MEIOC: variants seen among roughly 807,000 people sequenced by gnomAD.
The protein encoded by MEIOC is meiosis specific with coiled-coil domain, also known as meiosis-specific coiled-coil domain-containing protein MEIOC.
MEIOC carries 9 observed loss-of-function variants against 85.3 expected under a neutral mutation model. The observed-to-expected ratio is 0.11, with a 90% CI of 0.06 to 0.18. The LOEUF (loss-of-function observed/expected upper bound fraction) is 0.18. Among genes scored for constraint, MEIOC ranks in the 10% least tolerant of loss-of-function variants. The pLI, the probability that MEIOC is intolerant of heterozygous loss-of-function variation, is 1.00. For missense variants in MEIOC, 898 were observed against 1,129.4 expected, an observed-to-expected ratio of 0.80 and a Z score of 2.94; for synonymous variants, 365 against 393.7, an observed-to-expected ratio of 0.93 and a Z score of 0.86.
chr17:44,669,428 A>G lies in MEIOC; in HGVS notation c.2368A>G (p.Ser790Gly). 2.5e-6 allele frequency: 4 copies of G among 1,571,440 alleles called. No homozygotes were observed. Among genetic ancestry groups the G allele is most frequent in the Non-Finnish European group, 3.5e-6 (4 of 1,157,094 alleles). ...GAATTATCCTGGAAAAAAAGTATCC[A>G]GTACTAACAACACTCCAGTTCCAAG... ...AKNYPGKKVS[S>G]TNNTPVPRLT... The change falls in exon 6 of 8, where the codon AGT becomes GGT. Residue 790 changes from serine (S) to glycine (G), a missense_variant. Around this residue, in one of 2 missense-constraint regions of MEIOC, gnomAD observed 164 missense variants for 269.2 expected, o/e 0.61. Transcript: ENST00000409122.
At chr17:44,675,875 C>A (rs1162115878), downstream of MEIOC, 50 of 531,016 alleles carry the variant, frequency 9.4e-5, no homozygotes, top group Non-Finnish European at 1.1e-4. Context: ...AAATGAATTT[C>A]ATTTAAGAAC....
intron 6 of MEIOC, chr17:44,670,315 C>T (rs535713465): frequency 1.3e-5 from 2 of 148,902 alleles, no homozygotes; most frequent in South Asian, 4.3e-4. Context: ...AATAGTCCCA[C>T]TCAATCATTT....
At chr17:44,675,934 G>C (rs1312637148), downstream of MEIOC, 1 of 230,326 alleles carries the variant, frequency 4.3e-6, no homozygotes, top group Non-Finnish European at 7.1e-6. Flanking sequence ...AATAATGTTG[G>C]TTTATAAATC....
Position 44,667,413 on chromosome 17 carries a change from A to G in MEIOC, c.1502A>G (p.Asn501Ser), listed in dbSNP as rs1443064726. 13 of 1,613,708 alleles carry G rather than the reference A, an allele frequency of 8.1e-6. No individual in the cohort carries two copies. The highest frequency in any genetic ancestry group is 2.7e-5 in the African/African-American group (2 of 74,942). ...AATCAAGGTAACTTGATGAAATTAA[A>G]TAGTCATTTAAGTGCAGCTTCAAAA... Reference protein sequence around the residue: ...YRNQGNLMKLNSHLSAASKGS... With the variant: ...YRNQGNLMKLSSHLSAASKGS... Residue 501 changes from asparagine to serine, a missense_variant, in exon 5 of 8, where the codon AAT becomes AGT. Transcript: ENST00000409122.
intron 3 of MEIOC, 21 bp from the exon 4 acceptor site, chr17:44,665,363 C>A: frequency 2.8e-6 from 4 of 1,451,264 alleles, no homozygotes; most frequent in South Asian, 1.3e-5. Flanking sequence ...TGTATTTCAG[C>A]ACGAATTCAT....
chr17:44,673,724 C>G, intron 7 of MEIOC, 178 bp downstream of exon 7: 1 of 719,060 alleles, frequency 1.4e-6, no homozygotes, highest in Non-Finnish European at 2.2e-6. Context: ...TTAATTTTGT[C>G]TGTTATAACT....
rs1971768798 is a variant in MEIOC at position 44,657,042 on chromosome 17, G to A, written c.70-85G>A. On this transcript the variant is annotated intron_variant, in intron 1 of 7. Coordinates refer to ENST00000409122, the MANE Select transcript of MEIOC (RefSeq NM_001145080.3). The stretch of plus-strand genomic sequence containing the variant: ...GGGTTCGGAATTGAGCCGAACAGCC[G>A]AGGTAGAACAGGTGTCGGGCCGTTT... 6.9e-6 allele frequency: 10 copies of A among 1,443,420 alleles called. No homozygotes were observed. The South Asian group carries it at 1.0e-4, about 15-fold the overall frequency. The allele number at this position is 1,443,420 out of a possible 1,614,324, so 89.4% of individuals were successfully genotyped here.
In MEIOC at chr17:44,668,015, C is replaced by G; in HGVS notation, c.2104C>G (p.Pro702Ala). ...CCACCCATTTGGCCATTCAGTTGTT[C>G]CACTGTTGGATTCCTATGACTTACT... ...STHPFGHSVVPLLDSYDLLSY... is the reference protein window; with the variant it reads ...STHPFGHSVVALLDSYDLLSY... The change falls in exon 5 of 8, where the codon CCA (proline) becomes GCA (alanine). Residue 702 changes from proline to alanine, a missense_variant. Around this residue, in one of 2 missense-constraint regions of MEIOC, gnomAD observed 734 missense variants for 860.1 expected, o/e 0.85. Coordinates refer to ENST00000409122, the MANE Select transcript of MEIOC (RefSeq NM_001145080.3). The G allele has an allele frequency of 6.2e-7, 1 of 1,613,590 alleles. No individual in the cohort carries two copies. Among genetic ancestry groups the G allele is most frequent in the Non-Finnish European group, 8.5e-7 (1 of 1,179,652 alleles).
chr17:44,657,231 C>G lies in MEIOC; in HGVS notation c.174C>G (p.Ser58=). ...DVFGSVMLTG[S]ASFYDCYTSQ... ...TCGGCAGCGTGATGTTGACTGGCTC[C>G]GCTTCCTTCTACGATTGCTACACAT... The change falls in exon 2 of 8, where the codon TCC becomes TCG. Residue 58 remains serine (S), a synonymous_variant. Coordinates refer to ENST00000409122, the MANE Select transcript of MEIOC (RefSeq NM_001145080.3). The G allele has an allele frequency of 3.9e-6, 6 of 1,552,056 alleles. No individual in the cohort carries two copies. The highest frequency in any genetic ancestry group is 5.2e-6 in the Non-Finnish European group (6 of 1,146,982).
Position 44,657,189 on chromosome 17 carries a change from C to G in MEIOC, c.132C>G (p.Ser44Arg). The change falls in exon 2 of 8, where the codon AGC becomes AGG. Residue 44 changes from serine (S) to arginine (R), a missense_variant. Transcript: ENST00000409122. ...RCWNLGADAG[S>R]RLTDVFGSVM... is the part of the protein sequence containing the mutation. The stretch of plus-strand genomic sequence containing the variant: ...GGAACCTCGGCGCCGACGCCGGCAG[C>G]AGGTTAACCGACGTCTTCGGCAGCG... 1 of 1,551,938 alleles carries G rather than the reference C, an allele frequency of 6.4e-7. No individual in the cohort carries two copies. The highest frequency in any genetic ancestry group is 8.7e-7 in the Non-Finnish European group (1 of 1,147,014).
chr17:44,665,542 GT>G, intron 4 of MEIOC, 54 bp downstream of exon 4: 1 of 780,098 alleles, frequency 1.3e-6, no homozygotes, highest in Non-Finnish European at 1.9e-6. Context: ...ACATACACTA[GT>G]TTACCCTGTT....
At position 44,673,393 on chromosome 17, in the gene MEIOC, C is replaced by G; in HGVS notation, c.2485C>G (p.Arg829Gly). 3 of 1,543,782 alleles carry G rather than the reference C, an allele frequency of 1.9e-6. No individual in the cohort carries two copies. Among genetic ancestry groups the G allele is most frequent in the Non-Finnish European group, 2.6e-6 (3 of 1,144,708 alleles). ...RVVTLLGKME[R>G]LRSSLLHASI... is the part of the protein sequence containing the mutation. Reference sequence around the variant, plus strand: ...TGTGACTTTACTAGGCAAAATGGAACGTCTTCGGAGTTCTCTTCTTCATGC... The same window carrying G: ...TGTGACTTTACTAGGCAAAATGGAAGGTCTTCGGAGTTCTCTTCTTCATGC... Residue 829 changes from arginine (R) to glycine (G), a missense_variant, in exon 7 of 8, where the codon CGT becomes GGT. This residue lies in a region of MEIOC where 164 missense variants were observed against 269.2 expected (regional missense o/e 0.61). Transcript: ENST00000409122.
chr17:44,664,785 G>A (rs1434298113), intron 3 of MEIOC, among the ~76,000 whole-genome samples: 1 of 152,172 alleles, frequency 6.6e-6, no homozygotes, highest in Admixed American at 6.5e-5. Flanking sequence ...GGATTTCTGG[G>A]ATAAAAGGAA....
At position 44,666,475 on chromosome 17, in the gene MEIOC, A is replaced by C; in HGVS notation, c.564A>C (p.Thr188=). ...LLTETKRPID[T]VISQQAFYSD... is the part of the protein sequence containing the mutation. ...CAGAAACCAAAAGGCCAATAGATAC[A>C]GTCATCTCTCAGCAAGCTTTTTATA... The change falls in exon 5 of 8, where the codon ACA becomes ACC. Residue 188 remains threonine, a synonymous_variant. Coordinates refer to ENST00000409122, the MANE Select transcript of MEIOC (RefSeq NM_001145080.3). 1 of 1,582,750 alleles carries C rather than the reference A, an allele frequency of 6.3e-7. No homozygotes were observed. Among genetic ancestry groups the C allele is most frequent in the Non-Finnish European group, 8.6e-7 (1 of 1,163,072 alleles).
At chr17:44,660,103 G>C (rs912832475) in intron 2 of MEIOC, among the ~76,000 whole-genome samples, 2 of 152,042 alleles carry the variant, frequency 1.3e-5, no homozygotes, top group African/African-American at 4.8e-5. Flanking sequence ...ATCATATAAC[G>C]TTGTATAGTT....
At chr17:44,676,904 AC>A (rs1215972179), downstream of MEIOC, 3 of 976,436 alleles carry the variant, frequency 3.1e-6, no homozygotes, top group African/African-American at 5.3e-5. Context: ...CAAGTGGATA[AC>A]TAAACTCAAA....
chr17:44,662,856 G>A (rs904159472), intron 3 of MEIOC, among the ~76,000 whole-genome samples: 8 of 152,058 alleles, frequency 5.3e-5, no homozygotes, highest in East Asian at 1.9e-4. Context: ...TTTAAGAAAC[G>A]AGGTCTCACT....
At chr17:44,657,073 C>G in intron 1 of MEIOC, 54 bp from the exon 2 acceptor site, 1 of 1,519,130 alleles carries the variant, frequency 6.6e-7, no homozygotes, top group Non-Finnish European at 8.8e-7. Flanking sequence ...CGTTTCAGCT[C>G]CGGCGTCACC....
At chr17:44,666,233 G>T in intron 4 of MEIOC, 143 bp from the exon 5 acceptor site, 1 of 645,320 alleles carries the variant, frequency 1.5e-6, no homozygotes, top group Non-Finnish European at 2.6e-6. Context: ...GCTAATGGTA[G>T]CTTATAAAGC....
Sources: gnomAD v4.1 joint callset for allele counts (sites outside exome capture counted in the v4.1 genomes callset) on GRCh38, gnomAD v4.1.1 for gene constraint, gnomAD v4.1.1 regional missense constraint, MANE v1.5 for transcripts, NCBI Gene and HGNC (gene_info 2026-07-23, HGNC 2026-07-21) for gene names.